Variants in ADAMTSL1 observed in about 807,000 individuals in gnomAD.
ADAMTSL1 encodes ADAMTS like 1.
ADAMTSL1 carries 126 observed loss-of-function variants against 201.8 expected under a neutral mutation model. The observed-to-expected ratio is 0.62, with a 90% CI of 0.54 to 0.72. The LOEUF (loss-of-function observed/expected upper bound fraction) is 0.72, where lower values mean the gene tolerates loss of function less well. Among genes scored for constraint, ADAMTSL1 ranks in the 30% least tolerant of loss-of-function variants. ADAMTSL1 has a pLI of 0.00. For missense variants in ADAMTSL1, 2,679 were observed against 2,277.8 expected (o/e 1.18, Z -3.59); for synonymous variants, 1,121 against 903.4 (o/e 1.24, Z -4.32).
intron 19 of ADAMTSL1, among the ~76,000 whole-genome samples, chr9:18,784,341 C>G (rs986135365): frequency 2.6e-5 from 4 of 152,096 alleles, no homozygotes; most frequent in Admixed American, 1.3e-4. Context: ...CTTATTTTCT[C>G]CGTAATTCTA....
chr9:18,271,495 G>T (rs1057298092), intron 2 of ADAMTSL1, among the ~76,000 whole-genome samples: 1 of 152,124 alleles, frequency 6.6e-6, no homozygotes, highest in Non-Finnish European at 1.5e-5. Flanking sequence ...TCCCTACAAA[G>T]GACATGAACT....
chr9:18,739,999 C>A (rs1024260443), intron 15 of ADAMTSL1, among the ~76,000 whole-genome samples: 22 of 152,078 alleles, frequency 1.4e-4, no homozygotes, highest in Admixed American at 3.9e-4. Flanking sequence ...CCTGTCTTCT[C>A]ACATATCAAA....
chr9:18,084,296 T>A (rs1188330119), intron 1 of ADAMTSL1, among the ~76,000 whole-genome samples: 1 of 150,782 alleles, frequency 6.6e-6, no homozygotes, highest in Non-Finnish European at 1.5e-5. Flanking sequence ...CCAAGGCAGG[T>A]GGATCACCTG....
At chr9:18,879,527 A>G (rs115354771) in intron 23 of ADAMTSL1, among the ~76,000 whole-genome samples, 1,578 of 152,338 alleles carry the variant, frequency 0.01, 28 homozygotes, top group African/African-American at 0.036. Flanking sequence ...GAGTCACACA[A>G]TATTTTTTGT....
In ADAMTSL1 at chr9:18,788,200, A is replaced by G. The variant is rs560914997; in HGVS notation, c.3678-7197A>G. ...GCCCAAAATTTTTGTACAAAATAAAATTCTCCCTTGCAAGCCTCTGGGCTA... is the reference window on the plus strand; with the variant it reads ...GCCCAAAATTTTTGTACAAAATAAAGTTCTCCCTTGCAAGCCTCTGGGCTA... On this transcript the variant is annotated intron_variant, in intron 19 of 28. Coordinates refer to ENST00000380548, the MANE Select transcript of ADAMTSL1 (RefSeq NM_001040272.6). 8.3e-4 allele frequency among the ~76,000 whole-genome samples: 127 copies of G among 152,266 alleles called. 1 individual carries two copies. The highest frequency in any genetic ancestry group is 1.2e-3 in the South Asian group (6 of 4,814).
In ADAMTSL1 at chr9:18,753,204, C is replaced by T. The variant is rs1035559661; in HGVS notation, c.2007-94C>T. The T allele has an allele frequency of 3.1e-6, 4 of 1,269,862 alleles. No individual in the cohort carries two copies. The African/African-American group carries it at 5.9e-5, about 19-fold the overall frequency. 78.7% of individuals were successfully genotyped at this position (1,269,862 alleles called of 1,614,324 possible). On this transcript the variant is annotated intron_variant, in intron 15 of 28. Coordinates refer to ENST00000380548, the MANE Select transcript of ADAMTSL1 (RefSeq NM_001040272.6). ...TCTTGGGCTGGCACTTCCCACTTTC[C>T]CAGTTAGGGGTTTTAACTCCATTTG...
intron 5 of ADAMTSL1, 59 bp from the exon 6 acceptor site, chr9:18,635,884 C>T: frequency 6.9e-7 from 1 of 1,443,838 alleles, no homozygotes; most frequent in South Asian, 1.2e-5. Context: ...ATTTAGAAGG[C>T]AATCAATAAT....
At chr9:18,406,318 T>TCTTTTCTTTTCTTTC (rs1554673622) in intron 2 of ADAMTSL1, among the ~76,000 whole-genome samples, 6 of 148,380 alleles carry the variant, frequency 4.0e-5, no homozygotes, top group African/African-American at 1.3e-4. Context: ...TCTTTTCTTT[T>TCTTTTCTTTTCTTTC]CTTTTCTTTT....
chr9:18,721,546 G>A lies in ADAMTSL1; in HGVS notation c.1887G>A (p.Glu629=), dbSNP rs1487860156. ...GTGATTTGTACACAGGTGTCCAGGA[G>A]GCTGTGGTGAGCTGCTTGAACAAAC... The part of the protein sequence containing the change: ...CSESCGGGVQ[E]AVVSCLNKQT... Residue 629 remains glutamate (E), a synonymous_variant, in exon 15 of 29, where the codon GAG becomes GAA. Transcript: ENST00000380548. 6.2e-7 allele frequency: 1 copy of A among 1,613,944 alleles called. No individual in the cohort carries two copies. The highest frequency in any genetic ancestry group is 1.7e-5 in the Admixed American group (1 of 60,014).
chr9:17,950,998 C>G (rs1473139178), intron 1 of ADAMTSL1, among the ~76,000 whole-genome samples: 1 of 152,140 alleles, frequency 6.6e-6, no homozygotes, highest in African/African-American at 2.4e-5. Flanking sequence ...AGGCCTCATA[C>G]AAGCCATGGT....
chr9:18,473,990 G>C (rs980356439), upstream of ADAMTSL1: 2 of 457,572 alleles, frequency 4.4e-6, no homozygotes, highest in African/African-American at 2.0e-5. Context: ...TCCTGGCTTT[G>C]TTATTCAGCA....
chr9:18,370,203 C>T (rs1440450438), intron 2 of ADAMTSL1, among the ~76,000 whole-genome samples: 1 of 151,944 alleles, frequency 6.6e-6, no homozygotes, highest in East Asian at 1.9e-4. Context: ...TCACTTGAAC[C>T]CAGGAGGCGG....
At chr9:18,719,005 T>C (rs1833154535) in intron 14 of ADAMTSL1, among the ~76,000 whole-genome samples, 1 of 152,200 alleles carries the variant, frequency 6.6e-6, no homozygotes, top group South Asian at 2.1e-4. Flanking sequence ...GAAAGCTACA[T>C]CCAGTGACTT....
intron 2 of ADAMTSL1, among the ~76,000 whole-genome samples, chr9:18,310,027 C>T (rs112917184): frequency 0.069 from 10,452 of 151,920 alleles, 1,168 homozygotes; most frequent in African/African-American, 0.24. Context: ...CTCAGAAATA[C>T]TGCCACACAT....
intron 1 of ADAMTSL1, among the ~76,000 whole-genome samples, chr9:17,951,296 TG>T (rs1416364938): frequency 2.0e-5 from 3 of 152,180 alleles, no homozygotes; most frequent in Non-Finnish European, 4.4e-5. Flanking sequence ...GGGCGATTTT[TG>T]TCATGAATCC....
At chr9:18,049,651 T>C (rs1041338039) in intron 1 of ADAMTSL1, among the ~76,000 whole-genome samples, 4 of 149,884 alleles carry the variant, frequency 2.7e-5, no homozygotes, top group Non-Finnish European at 4.4e-5. Flanking sequence ...TGAGATGGAG[T>C]CTTGCTCAGT....
At chr9:18,067,265 G>C (rs1304980215) in intron 1 of ADAMTSL1, among the ~76,000 whole-genome samples, 1 of 152,030 alleles carries the variant, frequency 6.6e-6, no homozygotes, top group Non-Finnish European at 1.5e-5. Flanking sequence ...TCGTTGTTAA[G>C]GTCACAATAG....
chr9:18,653,506 T>C (rs947143), intron 7 of ADAMTSL1, among the ~76,000 whole-genome samples: 27,259 of 151,872 alleles, frequency 0.18, 2,790 homozygotes, highest in Middle Eastern at 0.25. Context: ...TTGGGCACAG[T>C]GGCTTATGCC....
At chr9:18,861,302 C>T (rs1827201176) in intron 23 of ADAMTSL1, among the ~76,000 whole-genome samples, 1 of 152,194 alleles carries the variant, frequency 6.6e-6, no homozygotes, top group Non-Finnish European at 1.5e-5. Context: ...CAATTCCCAG[C>T]AGAACAGCAT....
Sources: gnomAD v4.1 joint callset for allele counts (sites outside exome capture counted in the v4.1 genomes callset) on GRCh38, gnomAD v4.1.1 for gene constraint, MANE v1.5 for transcripts, NCBI Gene and HGNC (gene_info 2026-07-23, HGNC 2026-07-21) for gene names.